Variants in ERBB4 observed in about 807,000 individuals in gnomAD.
The protein encoded by ERBB4 is erb-b2 receptor tyrosine kinase 4.
ERBB4 carries 42 observed loss-of-function variants against 158.0 expected under a neutral mutation model. The ratio of observed to expected loss-of-function variants is 0.27; its 90% CI spans 0.21 to 0.34. The LOEUF is 0.34. Among genes scored for constraint, ERBB4 ranks in the 10% least tolerant of loss-of-function variants. The probability of loss-of-function intolerance (pLI) is 1.00; values close to 1 mark genes in which losing one functional copy is unlikely to be tolerated. For missense variants in ERBB4, 1,333 were observed against 1,624.1 expected, an observed-to-expected ratio of 0.82 and a Z score of 3.08; for synonymous variants, 583 against 558.7, an observed-to-expected ratio of 1.04 and a Z score of -0.61.
At chr2:212,479,382 A>G (rs1255244811) in intron 1 of ERBB4, among the ~76,000 whole-genome samples, 1 of 152,124 alleles carries the variant, frequency 6.6e-6, no homozygotes, top group Non-Finnish European at 1.5e-5. Context: ...ACCATGAAGG[A>G]TACCAATTAA....
intron 25 of ERBB4, among the ~76,000 whole-genome samples, chr2:211,393,768 T>C (rs2062854130): frequency 6.6e-6 from 1 of 151,698 alleles, no homozygotes; most frequent in Non-Finnish European, 1.5e-5. Context: ...TGTGTGTGTG[T>C]GTGTGTGTGT....
At chr2:211,956,030 G>GTGT (rs1491364268) in intron 2 of ERBB4, among the ~76,000 whole-genome samples, 10 of 31,704 alleles carry the variant, frequency 3.2e-4, no homozygotes, top group African/African-American at 9.0e-4. Flanking sequence ...CATCTCTAAA[G>GTGT]TGTGTGTGTG....
At position 211,644,419 on chromosome 2, in the gene ERBB4, T is replaced by C. The variant is rs77596056; in HGVS notation, c.1946+13335A>G. ...CGATGTTATGATTCGGCAGATGCTC[T>C]GAATACAGATTCACAGCCTCCAGAT... On this transcript the variant is annotated intron_variant, in intron 16 of 27. Transcript: ENST00000342788. Among the ~76,000 whole-genome samples the C allele has an allele frequency of 8.2e-3, 1,237 of 151,180 alleles. 18 individuals carry two copies. Among genetic ancestry groups the C allele is most frequent in the African/African-American group, 0.029 (1,188 of 41,390 alleles).
chr2:211,682,080 ACACACACACAC>A (rs1375564819), intron 12 of ERBB4, among the ~76,000 whole-genome samples: 40 of 150,664 alleles, frequency 2.7e-4, no homozygotes, highest in African/African-American at 9.6e-4. Flanking sequence ...ACACACACAC[ACACACACACAC>A]AATTGGCTCA....
intron 1 of ERBB4, among the ~76,000 whole-genome samples, chr2:212,337,436 C>A (rs1560053200): frequency 2.0e-5 from 3 of 152,048 alleles, no homozygotes; most frequent in African/African-American, 7.2e-5. Context: ...TTTGTACTTT[C>A]TATGCAACAA....
At chr2:212,216,892 C>T (rs972826147) in intron 1 of ERBB4, among the ~76,000 whole-genome samples, 1 of 151,464 alleles carries the variant, frequency 6.6e-6, no homozygotes, top group African/African-American at 2.4e-5. Context: ...CAAGAGTACA[C>T]TCTAATATAA....
At chr2:211,863,573 A>G (rs2078125243) in intron 3 of ERBB4, among the ~76,000 whole-genome samples, 1 of 152,132 alleles carries the variant, frequency 6.6e-6, no homozygotes, top group African/African-American at 2.4e-5. Flanking sequence ...CAGACGTGCC[A>G]CCTTTAAGAG....
chr2:212,224,992 G>T (rs2083425650), intron 1 of ERBB4, among the ~76,000 whole-genome samples: 1 of 151,836 alleles, frequency 6.6e-6, no homozygotes, highest in Non-Finnish European at 1.5e-5. Context: ...ACTAACTAAT[G>T]TCAATAAAAA....
intron 1 of ERBB4, among the ~76,000 whole-genome samples, chr2:212,308,522 A>C (rs935940491): frequency 2.0e-5 from 3 of 151,000 alleles, no homozygotes; most frequent in African/African-American, 7.3e-5. Context: ...AAAGACCAGA[A>C]TTTATTTGAA....
chr2:211,720,373 T>A (rs2074055066), intron 7 of ERBB4, among the ~76,000 whole-genome samples: 1 of 152,228 alleles, frequency 6.6e-6, no homozygotes, highest in Admixed American at 6.5e-5. Context: ...TGATGTTTCA[T>A]CAGCATCACA....
chr2:212,508,797 C>T (rs1384291), intron 1 of ERBB4, among the ~76,000 whole-genome samples: 24,564 of 152,024 alleles, frequency 0.16, 2,113 homozygotes, highest in African/African-American at 0.17. Context: ...TAATCTTCCT[C>T]CTAGCATTTC....
chr2:212,062,251 A>C (rs2077795555), intron 2 of ERBB4, among the ~76,000 whole-genome samples: 1 of 152,136 alleles, frequency 6.6e-6, no homozygotes, highest in Non-Finnish European at 1.5e-5. Context: ...AGATGTAGAA[A>C]TGACTGCTTT....
At chr2:212,280,043 T>C (rs763299352) in intron 1 of ERBB4, among the ~76,000 whole-genome samples, 1 of 151,606 alleles carries the variant, frequency 6.6e-6, no homozygotes, top group African/African-American at 2.4e-5. Flanking sequence ...TAAAGAAATT[T>C]TCTTCAAAAA....
chr2:211,402,122 C>A (rs935702086), intron 25 of ERBB4, among the ~76,000 whole-genome samples: 7 of 151,954 alleles, frequency 4.6e-5, no homozygotes, highest in South Asian at 2.1e-4. Flanking sequence ...ATCCCAAGCT[C>A]TCTTAGGAAC....
chr2:211,415,107 C>CTTTTTTTTTTTTTT lies in ERBB4; in HGVS notation c.3135+5320_3135+5333dup, dbSNP rs71047175. On this transcript the variant is annotated intron_variant, in intron 25 of 27. Transcript: ENST00000342788. ...CAAATCCCATTGAAACTTACATTTT[C>CTTTTTTTTTTTTTT]TTTTTTTTTTTTTTTTTTTTTTTTT... Among the ~76,000 whole-genome samples the CTTTTTTTTTTTTTT allele has an allele frequency of 2.3e-4, 17 of 72,504 alleles. 2 individuals are homozygous for CTTTTTTTTTTTTTT. The highest frequency in any genetic ancestry group is 8.8e-4 in the African/African-American group (16 of 18,138). 47.6% of individuals were successfully genotyped at this position (72,504 alleles called of 152,430 possible).
chr2:211,709,482 G>C (rs775750784), intron 9 of ERBB4, among the ~76,000 whole-genome samples: 27 of 151,770 alleles, frequency 1.8e-4, no homozygotes, highest in South Asian at 8.3e-4. Flanking sequence ...GGTCACTTTT[G>C]GTGGTTTGCA....
At chr2:211,795,893 T>C (rs1223857704) in intron 3 of ERBB4, among the ~76,000 whole-genome samples, 1 of 151,890 alleles carries the variant, frequency 6.6e-6, no homozygotes, top group Non-Finnish European at 1.5e-5. Context: ...TAGAAAGTGG[T>C]AATAGATATT....
chr2:212,439,784 C>T (rs1444208713), intron 1 of ERBB4, among the ~76,000 whole-genome samples: 1 of 151,994 alleles, frequency 6.6e-6, no homozygotes, highest in Non-Finnish European at 1.5e-5. Flanking sequence ...GTTGTCATTC[C>T]AACACCTGAG....
chr2:211,688,248 G>A (rs2105987773), intron 12 of ERBB4, among the ~76,000 whole-genome samples: 1 of 152,262 alleles, frequency 6.6e-6, no homozygotes, highest in South Asian at 2.1e-4. Flanking sequence ...CCTGTCTGAA[G>A]GACTTCCTTT....
Sources: gnomAD v4.1 joint callset for allele counts (sites outside exome capture counted in the v4.1 genomes callset) on GRCh38, gnomAD v4.1.1 for gene constraint, MANE v1.5 for transcripts, NCBI Gene and HGNC (gene_info 2026-07-23, HGNC 2026-07-21) for gene names.